The following RMDN2 variants were observed in gnomAD, a reference collection of about 807,000 sequenced individuals.
The protein encoded by RMDN2 is regulator of microtubule dynamics 2, also known as regulator of microtubule dynamics protein 2.
In RMDN2, 61 loss-of-function variants were observed where a neutral mutation model predicts 52.8. The ratio of observed to expected loss-of-function variants is 1.16; its 90% CI spans 0.94 to 1.43. The LOEUF (loss-of-function observed/expected upper bound fraction) is 1.43. RMDN2 is among the 40% of genes most tolerant of loss of function. The pLI, the probability that RMDN2 is intolerant of heterozygous loss-of-function variation, is 0.00. For synonymous variants in RMDN2, 180 were observed against 153.1 expected, an observed-to-expected ratio of 1.18 and a Z score of -1.30; for missense variants, 592 against 475.3, an observed-to-expected ratio of 1.25 and a Z score of -2.28.
At position 37,928,206 on chromosome 2, in the gene RMDN2, A is replaced by C. The variant is rs535770369; in HGVS notation, c.-16-1056A>C. Among the ~76,000 whole-genome samples, 4 of 152,352 alleles carry C rather than the reference A, an allele frequency of 2.6e-5. No individual in the cohort carries two copies. The East Asian group carries it at 7.7e-4, about 29-fold the overall frequency. ...ACAGGATACTTTCTGTGTTCCAGGC[A>C]TATACTCTAGTGAAATAGGAATCCA... is the stretch of plus-strand genomic sequence containing the variant. On this transcript the variant is annotated intron_variant, in intron 1 of 10. Coordinates refer to ENST00000354545, the MANE Select transcript of RMDN2 (RefSeq NM_001170791.3).
Position 37,945,330 on chromosome 2 carries a change from T to C in RMDN2, c.452+15601T>C, listed in dbSNP as rs186287153. On this transcript the variant is annotated intron_variant, in intron 2 of 10. Transcript: ENST00000354545. ...GCAGCCACTATGAACTATACTCTTG[T>C]AGATGAGTACAGTGGTAACAAAGCC... Among the ~76,000 whole-genome samples, 4 of 152,340 alleles carry C rather than the reference T, an allele frequency of 2.6e-5. No homozygotes were observed. In the South Asian group the frequency reaches 6.2e-4, roughly 24 times the overall value.
chr2:38,045,529 C>A (rs10192788), intron 10 of RMDN2, among the ~76,000 whole-genome samples: 1 of 152,008 alleles, frequency 6.6e-6, no homozygotes, highest in Non-Finnish European at 1.5e-5. Flanking sequence ...GAACAAGGAG[C>A]TTTAGAAATC....
At chr2:38,029,744 G>GC (rs1680045135) in intron 10 of RMDN2, 1 of 152,192 alleles carries the variant, frequency 6.6e-6, no homozygotes, top group Non-Finnish European at 1.5e-5. Context: ...AGGTGGGGAA[G>GC]CCTAGCAGAT....
At chr2:38,046,414 TAGC>T (rs903493086) in intron 10 of RMDN2, among the ~76,000 whole-genome samples, 1 of 151,846 alleles carries the variant, frequency 6.6e-6, no homozygotes, top group African/African-American at 2.4e-5. Context: ...TGAGTGGAGA[TAGC>T]AGCAGCAGAG....
At chr2:38,056,857 G>A (rs1681872180) in intron 10 of RMDN2, among the ~76,000 whole-genome samples, 2 of 152,072 alleles carry the variant, frequency 1.3e-5, no homozygotes. Context: ...ACACTGTGTG[G>A]GTCTGATTTT....
intron 2 of RMDN2, among the ~76,000 whole-genome samples, chr2:37,944,021 C>T (rs530913042): frequency 6.6e-6 from 1 of 152,238 alleles, no homozygotes; most frequent in African/African-American, 2.4e-5. Flanking sequence ...AATTACCAGG[C>T]ACAGATTTAG....
chr2:37,961,020 A>C (rs572724916), intron 2 of RMDN2, among the ~76,000 whole-genome samples: 124 of 151,806 alleles, frequency 8.2e-4, no homozygotes, highest in African/African-American at 3.0e-3. Context: ...ATTGGCCCCC[A>C]CTCTTTTCTG....
intron 2 of RMDN2, among the ~76,000 whole-genome samples, chr2:37,944,494 G>A (rs1668059413): frequency 6.6e-6 from 1 of 152,116 alleles, no homozygotes; most frequent in Non-Finnish European, 1.5e-5. Flanking sequence ...AGGCCCACAG[G>A]GTGTAGTTTG....
chr2:37,923,372 G>T (rs926016923), upstream of RMDN2: 3 of 152,162 alleles, frequency 2.0e-5, no homozygotes, highest in African/African-American at 7.2e-5. Context: ...AGACTGGTAA[G>T]GCCTTGTTCA....
chr2:37,929,140 G>A (rs533442979), intron 1 of RMDN2, 122 bp from the exon 2 acceptor site: 3 of 618,616 alleles, frequency 4.8e-6, no homozygotes, highest in African/African-American at 3.7e-5. Flanking sequence ...TTGGGCTATT[G>A]TCCTACTTTT....
At chr2:38,047,611 T>C (rs567245239) in intron 10 of RMDN2, among the ~76,000 whole-genome samples, 33 of 152,348 alleles carry the variant, frequency 2.2e-4, no homozygotes, top group African/African-American at 7.5e-4. Context: ...CTTTAAACAA[T>C]TTTTTGTTGT....
intron 10 of RMDN2, among the ~76,000 whole-genome samples, chr2:38,010,949 C>G (rs1461952406): frequency 6.6e-6 from 1 of 152,202 alleles, no homozygotes; most frequent in Non-Finnish European, 1.5e-5. Flanking sequence ...GATAACCTGT[C>G]ACCAGGAGGC....
intron 10 of RMDN2, among the ~76,000 whole-genome samples, chr2:38,032,206 C>A (rs564322563): frequency 1.3e-5 from 2 of 152,278 alleles, no homozygotes; most frequent in East Asian, 3.9e-4. Flanking sequence ...ACATATAGAG[C>A]ATGACCATCG....
rs535383988 is a variant in RMDN2 at position 37,967,554 on chromosome 2, C to T, written c.453-6486C>T. 1.6e-4 allele frequency among the ~76,000 whole-genome samples: 25 copies of T among 152,308 alleles called. No homozygotes were observed. In the East Asian group the frequency reaches 4.8e-3, roughly 29 times the overall value. Reference sequence around the variant, plus strand: ...ATGCTCAAGGTATTTTGCTTGTTGACTTTCTAGAAGACCAAAGAATGATGA... The same window carrying T: ...ATGCTCAAGGTATTTTGCTTGTTGATTTTCTAGAAGACCAAAGAATGATGA... On this transcript the variant is annotated intron_variant, in intron 2 of 10. Transcript: ENST00000354545.
At chr2:37,938,693 T>C (rs1572707481) in intron 2 of RMDN2, among the ~76,000 whole-genome samples, 1 of 152,328 alleles carries the variant, frequency 6.6e-6, no homozygotes, top group Admixed American at 6.5e-5. Context: ...GAGGTGTTTA[T>C]AGTATTCTTT....
At chr2:37,924,375 GTT>G (rs1666122658), upstream of RMDN2, among the ~76,000 whole-genome samples, 1 of 152,186 alleles carries the variant, frequency 6.6e-6, no homozygotes, top group Admixed American at 6.5e-5. Context: ...TGTATGTACT[GTT>G]TTGTTTTTGT....
At chr2:37,995,931 T>C (rs902312699) in intron 7 of RMDN2, among the ~76,000 whole-genome samples, 2 of 152,230 alleles carry the variant, frequency 1.3e-5, no homozygotes, top group Admixed American at 1.3e-4. Context: ...AGGATATGTA[T>C]GGAGCAGCGG....
In RMDN2 at chr2:38,029,028, T is replaced by C. The variant is rs1397302589; in HGVS notation, c.1713+24812T>C. Among the ~76,000 whole-genome samples the C allele has an allele frequency of 2.0e-5, 3 of 152,048 alleles. No individual in the cohort carries two copies. In the East Asian group the frequency reaches 5.8e-4, roughly 29 times the overall value. ...GAACAGGAGACTGGGCGGGCACATATCCATGCAAATAAAGTCCTGTGAGTA... is the reference window on the plus strand; with the variant it reads ...GAACAGGAGACTGGGCGGGCACATACCCATGCAAATAAAGTCCTGTGAGTA... On this transcript the variant is annotated intron_variant, in intron 10 of 10. Transcript: ENST00000234195.
intron 10 of RMDN2, among the ~76,000 whole-genome samples, chr2:38,043,935 C>G (rs1681114964): frequency 6.6e-6 from 1 of 152,006 alleles, no homozygotes; most frequent in South Asian, 2.1e-4. Flanking sequence ...TTTACCTTCA[C>G]TTATTCCTTA....
Sources: allele counts gnomAD v4.1 joint callset (sites outside exome capture counted in the v4.1 genomes callset), GRCh38; gene constraint gnomAD v4.1.1; transcripts MANE v1.5; gene names NCBI Gene and HGNC (gene_info 2026-07-23, HGNC 2026-07-21).